Variants in CCDC178 observed in about 807,000 individuals in gnomAD.
CCDC178 encodes the protein coiled-coil domain-containing protein 178.
Under a neutral mutation model 117.4 loss-of-function variants are expected in CCDC178, and 126 were observed. The ratio of observed to expected loss-of-function variants is 1.07; its 90% confidence interval spans 0.93 to 1.24. The LOEUF (loss-of-function observed/expected upper bound fraction) is 1.24. Among genes scored for constraint, CCDC178 ranks in the 50% most tolerant of loss-of-function variants. CCDC178 has a pLI of 0.00. For synonymous variants in CCDC178, 283 were observed against 313.4 expected (o/e 0.90, Z 1.02); for missense variants, 1,030 against 986.9 (o/e 1.04, Z -0.59).
intron 20 of CCDC178, among the ~76,000 whole-genome samples, chr18:33,189,866 T>C (rs976392309): frequency 6.6e-6 from 1 of 152,176 alleles, no homozygotes; most frequent in Admixed American, 6.5e-5. Context: ...AGAATTTGCA[T>C]GCAATTTTGA....
chr18:33,436,477 G>T (rs1335082946), intron 2 of CCDC178, among the ~76,000 whole-genome samples: 1 of 152,236 alleles, frequency 6.6e-6, no homozygotes, highest in Middle Eastern at 3.4e-3. Flanking sequence ...TGGTTTTAAT[G>T]GGGAAAAGAC....
intron 2 of CCDC178, among the ~76,000 whole-genome samples, chr18:33,420,379 C>T (rs1447111243): frequency 6.6e-6 from 1 of 151,726 alleles, no homozygotes; most frequent in East Asian, 1.9e-4. Context: ...TTTTTTACAC[C>T]AAGTCTCACT....
chr18:32,967,860 T>G (rs1598740277), intron 22 of CCDC178, among the ~76,000 whole-genome samples: 1 of 147,066 alleles, frequency 6.8e-6, no homozygotes, highest in South Asian at 2.2e-4. Context: ...ATACTTTTGT[T>G]TTTTTTTTTA....
chr18:33,388,927 G>A (rs1258211391), intron 5 of CCDC178, among the ~76,000 whole-genome samples: 1 of 152,048 alleles, frequency 6.6e-6, no homozygotes, highest in South Asian at 2.1e-4. Flanking sequence ...TTATAAGTGG[G>A]AGCTGAACAA....
At chr18:33,042,174 T>C (rs975852398) in intron 21 of CCDC178, among the ~76,000 whole-genome samples, 3 of 151,848 alleles carry the variant, frequency 2.0e-5, no homozygotes, top group African/African-American at 7.2e-5. Context: ...TAATTGCCAG[T>C]TGGAAGATAT....
chr18:33,005,673 CTGAT>C (rs1206224414), intron 21 of CCDC178, among the ~76,000 whole-genome samples: 5 of 151,988 alleles, frequency 3.3e-5, no homozygotes, highest in Non-Finnish European at 5.9e-5. Flanking sequence ...CTAATTTACT[CTGAT>C]TATTATGCAT....
chr18:33,397,517 G>A (rs2063655502), intron 3 of CCDC178, among the ~76,000 whole-genome samples: 2 of 152,072 alleles, frequency 1.3e-5, no homozygotes, highest in African/African-American at 4.8e-5. Flanking sequence ...TCTCTGTTTA[G>A]TGTTCAAGAG....
intron 20 of CCDC178, among the ~76,000 whole-genome samples, chr18:33,150,158 T>C (rs893092718): frequency 6.6e-6 from 1 of 152,122 alleles, no homozygotes; most frequent in Admixed American, 6.5e-5. Context: ...CTAGTCTATA[T>C]GGTGCTGGGA....
rs145783513 is a variant in CCDC178 at position 33,182,638 on chromosome 18, T to A, written c.2238+29258A>T. Among the ~76,000 whole-genome samples the A allele has an allele frequency of 2.3e-3, 347 of 152,112 alleles. 2 individuals carry two copies. The highest frequency in any genetic ancestry group is 7.7e-3 in the African/African-American group (318 of 41,548). The stretch of plus-strand genomic sequence containing the variant: ...TGATTAGTTAGATCAAAGGAATGTA[T>A]GCATAGTCTCTCACTATATATGTCA... On this transcript the variant is annotated intron_variant, in intron 20 of 22. Coordinates refer to ENST00000383096, the MANE Select transcript of CCDC178 (RefSeq NM_001105528.4).
chr18:33,004,557 T>A lies in CCDC178; in HGVS notation c.2389-29876A>T, dbSNP rs116594097. 2.9e-3 allele frequency among the ~76,000 whole-genome samples: 434 copies of A among 152,134 alleles called. 4 individuals are homozygous for A. The highest frequency in any genetic ancestry group is 9.9e-3 in the African/African-American group (412 of 41,528). On this transcript the variant is annotated intron_variant, in intron 21 of 22. Transcript: ENST00000383096. ...GGGGAAATGCTACAGGACACTGGACTGAAGATTTCTTGAGTGATACCCCAC... is the reference window on the plus strand; with the variant it reads ...GGGGAAATGCTACAGGACACTGGACAGAAGATTTCTTGAGTGATACCCCAC...
intron 12 of CCDC178, 141 bp downstream of exon 12, chr18:33,293,018 C>T (rs2062055545): frequency 1.8e-6 from 1 of 542,822 alleles, no homozygotes; most frequent in South Asian, 2.5e-5. Context: ...ATTTGTTATG[C>T]AGCAATAGAA....
intron 22 of CCDC178, among the ~76,000 whole-genome samples, chr18:32,955,993 T>C (rs927617032): frequency 3.3e-5 from 5 of 152,186 alleles, no homozygotes; most frequent in Admixed American, 2.0e-4. Context: ...CTGATACATA[T>C]TTAAAAGGTC....
chr18:33,093,593 A>G (rs1464947497), intron 20 of CCDC178, among the ~76,000 whole-genome samples: 1 of 152,088 alleles, frequency 6.6e-6, no homozygotes, highest in African/African-American at 2.4e-5. Flanking sequence ...TCTTTAGAAA[A>G]TAACTTTGCA....
At chr18:33,358,917 A>C (rs1568173777) in intron 6 of CCDC178, among the ~76,000 whole-genome samples, 1 of 151,906 alleles carries the variant, frequency 6.6e-6, no homozygotes, top group African/African-American at 2.4e-5. Flanking sequence ...GCAAAAGATA[A>C]ATTGGCATTT....
chr18:33,218,075 T>A (rs931634453), intron 18 of CCDC178, among the ~76,000 whole-genome samples: 19 of 152,112 alleles, frequency 1.2e-4, no homozygotes, highest in South Asian at 2.1e-4. Context: ...TGTAATTTTT[T>A]AAATATTTCT....
At chr18:32,975,545 A>T (rs1307413244) in intron 21 of CCDC178, among the ~76,000 whole-genome samples, 2 of 152,188 alleles carry the variant, frequency 1.3e-5, no homozygotes, top group Non-Finnish European at 2.9e-5. Context: ...GGATAAACAT[A>T]AAATTAACAG....
chr18:33,164,319 G>A (rs183861274), intron 20 of CCDC178, among the ~76,000 whole-genome samples: 2 of 151,716 alleles, frequency 1.3e-5, no homozygotes, highest in Middle Eastern at 3.4e-3. Context: ...GGCTGGTCTC[G>A]AGCTCCCAAC....
intron 12 of CCDC178, among the ~76,000 whole-genome samples, chr18:33,287,961 A>T (rs2144854158): frequency 6.6e-6 from 1 of 152,226 alleles, no homozygotes; most frequent in African/African-American, 2.4e-5. Context: ...ATATAGACAA[A>T]TTTCAGCATG....
intron 20 of CCDC178, among the ~76,000 whole-genome samples, chr18:33,157,655 G>T (rs2058417081): frequency 6.6e-6 from 1 of 151,972 alleles, no homozygotes; most frequent in African/African-American, 2.4e-5. Flanking sequence ...CTTTCTGGGG[G>T]ACCAGTATAA....
Sources: gnomAD v4.1 joint callset for allele counts (sites outside exome capture counted in the v4.1 genomes callset) on GRCh38, gnomAD v4.1.1 for gene constraint, MANE v1.5 for transcripts, NCBI Gene and HGNC (gene_info 2026-07-23, HGNC 2026-07-21) for gene names.